PDE1A: variants seen among roughly 807,000 people sequenced by gnomAD.
The protein encoded by PDE1A is dual specificity calcium/calmodulin-dependent 3',5'-cyclic nucleotide phosphodiesterase 1A.
PDE1A carries 35 observed loss-of-function variants against 61.7 expected under a neutral mutation model. The ratio of observed to expected loss-of-function variants is 0.57; its 90% CI spans 0.43 to 0.75. The LOEUF (loss-of-function observed/expected upper bound fraction) is 0.75. Among genes scored for constraint, PDE1A ranks in the 30% least tolerant of loss-of-function variants. The pLI, the probability that PDE1A is intolerant of heterozygous loss-of-function variation, is 0.00. For missense variants in PDE1A, 597 were observed against 630.6 expected (o/e 0.95, Z 0.57); for synonymous variants, 232 against 213.2 (o/e 1.09, Z -0.77).
At chr2:182,193,973 T>C (rs1463189929) in intron 10 of PDE1A, among the ~76,000 whole-genome samples, 1 of 152,160 alleles carries the variant, frequency 6.6e-6, no homozygotes, top group East Asian at 1.9e-4. Context: ...ATGAAATTTA[T>C]TTTGAAATAA....
At chr2:182,485,719 T>G (rs1449669155) in intron 2 of PDE1A, among the ~76,000 whole-genome samples, 3 of 151,880 alleles carry the variant, frequency 2.0e-5, no homozygotes, top group Admixed American at 2.0e-4. Context: ...ATACATCACA[T>G]TAATAGAATA....
At chr2:182,341,613 T>C (rs1329138794) in intron 1 of PDE1A, among the ~76,000 whole-genome samples, 2 of 152,138 alleles carry the variant, frequency 1.3e-5, no homozygotes, top group African/African-American at 2.4e-5. Flanking sequence ...ATCACCCCCA[T>C]AAAGCATAAG....
intron 7 of PDE1A, among the ~76,000 whole-genome samples, chr2:182,215,903 C>A (rs762602415): frequency 1.1e-3 from 132 of 117,936 alleles, no homozygotes; most frequent in African/African-American, 3.4e-3. Context: ...GGAATCCTCC[C>A]TAACTCATTT....
intron 1 of PDE1A, among the ~76,000 whole-genome samples, chr2:182,287,633 A>G (rs1694255615): frequency 6.6e-6 from 1 of 152,156 alleles, no homozygotes; most frequent in South Asian, 2.1e-4. Context: ...TACTGAGCTG[A>G]AAAAGACAAG....
At chr2:182,290,321 A>G (rs999218489) in intron 1 of PDE1A, among the ~76,000 whole-genome samples, 63 of 152,070 alleles carry the variant, frequency 4.1e-4, no homozygotes, top group African/African-American at 1.4e-3. Flanking sequence ...TTTTTTCAAA[A>G]TAAAATAAAA....
chr2:182,565,939 T>C, the PDE1A span, among the ~76,000 whole-genome samples: 1 of 152,120 alleles, frequency 6.6e-6, no homozygotes, highest in South Asian at 2.1e-4. Context: ...TTGCTAATAT[T>C]ACTAAGAAAA....
chr2:182,566,981 T>C, the PDE1A span, among the ~76,000 whole-genome samples: 2 of 152,232 alleles, frequency 1.3e-5, no homozygotes, highest in African/African-American at 4.8e-5. Context: ...GTTTCTTATA[T>C]AATTATAATT....
intron 2 of PDE1A, among the ~76,000 whole-genome samples, chr2:182,248,677 T>C (rs1224077058): frequency 6.6e-6 from 1 of 152,078 alleles, no homozygotes; most frequent in African/African-American, 2.4e-5. Context: ...TCAGTGAAAA[T>C]ATTTCTGTCC....
chr2:182,473,164 C>T (rs977596314), intron 2 of PDE1A, among the ~76,000 whole-genome samples: 2 of 151,784 alleles, frequency 1.3e-5, no homozygotes, highest in African/African-American at 4.8e-5. Flanking sequence ...AGACCTAAAA[C>T]CATAAAAACC....
chr2:182,539,785 G>A, the PDE1A span, among the ~76,000 whole-genome samples: 1 of 152,126 alleles, frequency 6.6e-6, no homozygotes, highest in Non-Finnish European at 1.5e-5. Flanking sequence ...GAAATGCATT[G>A]TTAATAAACA....
At chr2:182,465,224 TA>T (rs1686576921) in intron 2 of PDE1A, among the ~76,000 whole-genome samples, 1 of 152,122 alleles carries the variant, frequency 6.6e-6, no homozygotes, top group African/African-American at 2.4e-5. Context: ...AAATCTAACC[TA>T]AAGTTTACTT....
At chr2:182,219,136 T>G (rs1030774751) in intron 7 of PDE1A, among the ~76,000 whole-genome samples, 4 of 152,090 alleles carry the variant, frequency 2.6e-5, no homozygotes, top group Admixed American at 6.6e-5. Flanking sequence ...TTGTTATAGA[T>G]CCTTTTGCTT....
intron 1 of PDE1A, among the ~76,000 whole-genome samples, chr2:182,314,067 TAC>T (rs1242919614): frequency 1.3e-5 from 2 of 152,200 alleles, no homozygotes; most frequent in African/African-American, 2.4e-5. Context: ...AATATGTTAA[TAC>T]ACAGATTTGT....
intron 2 of PDE1A, among the ~76,000 whole-genome samples, chr2:182,488,732 AAACT>A (rs1474114535): frequency 3.3e-5 from 5 of 152,242 alleles, no homozygotes; most frequent in African/African-American, 1.2e-4. Flanking sequence ...TCAAAAATTA[AAACT>A]AATATCCAAT....
chr2:182,389,652 G>C (rs74466157), intron 1 of PDE1A, among the ~76,000 whole-genome samples: 1 of 152,210 alleles, frequency 6.6e-6, no homozygotes, highest in Non-Finnish European at 1.5e-5. Context: ...ATGGTTAATA[G>C]TGTCAACTTC....
At chr2:182,608,811 C>A in the PDE1A span, among the ~76,000 whole-genome samples, 1 of 152,250 alleles carries the variant, frequency 6.6e-6, no homozygotes, top group South Asian at 2.1e-4. Context: ...GCAGGCAGCT[C>A]CCCCTGCGCT....
At chr2:182,349,319 A>G (rs1698714811) in intron 1 of PDE1A, among the ~76,000 whole-genome samples, 1 of 152,226 alleles carries the variant, frequency 6.6e-6, no homozygotes, top group Non-Finnish European at 1.5e-5. Flanking sequence ...CTCTTTGCCA[A>G]AATCAAATAC....
the PDE1A span, among the ~76,000 whole-genome samples, chr2:182,688,186 A>G: frequency 3.8e-3 from 580 of 152,302 alleles, 4 homozygotes; most frequent in Non-Finnish European, 7.0e-3. Context: ...AATGCAACAA[A>G]GATACTCCTT....
At chr2:182,291,286 A>T (rs1029010998) in intron 1 of PDE1A, among the ~76,000 whole-genome samples, 6 of 148,324 alleles carry the variant, frequency 4.0e-5, no homozygotes, top group Non-Finnish European at 9.0e-5. Flanking sequence ...AGAGATTTCC[A>T]AAAGAAATTT....
Sources: allele counts gnomAD v4.1 joint callset (sites outside exome capture counted in the v4.1 genomes callset), GRCh38; gene constraint gnomAD v4.1.1; transcripts MANE v1.5; gene names NCBI Gene and HGNC (gene_info 2026-07-23, HGNC 2026-07-21).